The following CDC42BPA variants were observed in gnomAD, a reference collection of about 807,000 sequenced individuals.
CDC42BPA encodes the protein serine/threonine-protein kinase MRCK alpha.
A neutral mutation model predicts 223.5 loss-of-function variants in CDC42BPA; 80 were observed. That is an observed-to-expected ratio of 0.36 (90% CI 0.30 to 0.43). The LOEUF (loss-of-function observed/expected upper bound fraction) is 0.43. CDC42BPA is among the 20% of genes least tolerant of loss of function. CDC42BPA has a pLI of 1.00. For missense variants in CDC42BPA, 1,743 were observed against 2,099.9 expected, an observed-to-expected ratio of 0.83 and a Z score of 3.32; for synonymous variants, 694 against 718.6, an observed-to-expected ratio of 0.97 and a Z score of 0.55.
intron 1 of CDC42BPA, among the ~76,000 whole-genome samples, chr1:227,305,656 T>G (rs1246487234): frequency 6.6e-6 from 1 of 152,066 alleles, no homozygotes; most frequent in Non-Finnish European, 1.5e-5. Flanking sequence ...TGACACCACT[T>G]TTTCAGCCAT....
At chr1:227,140,725 T>C (rs1465797424) in intron 9 of CDC42BPA, among the ~76,000 whole-genome samples, 1 of 152,188 alleles carries the variant, frequency 6.6e-6, no homozygotes, top group Non-Finnish European at 1.5e-5. Flanking sequence ...ATGTTCTGAT[T>C]ATCTTTTAAG....
At chr1:227,037,044 C>T (rs913150073) in intron 24 of CDC42BPA, among the ~76,000 whole-genome samples, 1 of 152,072 alleles carries the variant, frequency 6.6e-6, no homozygotes, top group African/African-American at 2.4e-5. Flanking sequence ...CTGAGAAGAC[C>T]TCAAAAATTC....
chr1:227,273,857 G>GAAAAAAAA (rs11295895), intron 1 of CDC42BPA, among the ~76,000 whole-genome samples: 1 of 133,912 alleles, frequency 7.5e-6, no homozygotes, highest in African/African-American at 2.8e-5. Flanking sequence ...AAGAAACAAG[G>GAAAAAAAA]AAAAAAAAAA....
At chr1:227,207,387 T>A (rs1389651095) in intron 3 of CDC42BPA, among the ~76,000 whole-genome samples, 2 of 150,232 alleles carry the variant, frequency 1.3e-5, no homozygotes, top group Non-Finnish European at 3.0e-5. Context: ...TATTATACTT[T>A]AAGTTTTAGG....
chr1:227,311,055 T>A (rs1693454660), intron 1 of CDC42BPA, among the ~76,000 whole-genome samples: 1 of 152,004 alleles, frequency 6.6e-6, no homozygotes, highest in African/African-American at 2.4e-5. Flanking sequence ...GTGTGGGTAA[T>A]TCAAAAACAA....
Position 227,317,242 on chromosome 1 carries a change from T to C in CDC42BPA, c.-60A>G. The C allele has an allele frequency of 5.9e-6, 9 of 1,522,304 alleles. No homozygotes were observed. The highest frequency in any genetic ancestry group is 7.1e-6 in the Non-Finnish European group (8 of 1,125,756). The allele number at this position is 1,522,304 out of a possible 1,614,324, so 94.3% of individuals were successfully genotyped here. A position where few individuals can be genotyped will look rare whatever the true frequency, so the allele number is the denominator to read the frequency against. On this transcript the variant is annotated 5_prime_UTR_variant, in exon 1 of 37. Transcript: ENST00000366766. ...TATTATGATGACTTTTACTATTATC[T>C]GAACCTAAATTTTAAAAGGTATGGT...
At chr1:227,269,353 C>T (rs1461554635) in intron 1 of CDC42BPA, among the ~76,000 whole-genome samples, 1 of 152,140 alleles carries the variant, frequency 6.6e-6, no homozygotes, top group Non-Finnish European at 1.5e-5. Flanking sequence ...ATCCATAGCT[C>T]ACACGACTCA....
At chr1:227,293,643 T>C (rs1690097374) in intron 1 of CDC42BPA, among the ~76,000 whole-genome samples, 1 of 151,816 alleles carries the variant, frequency 6.6e-6, no homozygotes, top group Admixed American at 6.6e-5. Context: ...CTAACCAATA[T>C]GGAGAAACCC....
chr1:227,113,037 G>T, intron 12 of CDC42BPA, 124 bp from the exon 13 acceptor site: 1 of 838,794 alleles, frequency 1.2e-6, no homozygotes, highest in Non-Finnish European at 1.9e-6. Context: ...CAAATTAAAA[G>T]AAATAAACTA....
chr1:227,184,735 T>C lies in CDC42BPA; in HGVS notation c.599+9051A>G, dbSNP rs75753026. On this transcript the variant is annotated intron_variant, in intron 5 of 36. Transcript: ENST00000366766. ...GGATTTTGAGAGACTGCAATAAACC[T>C]ATAGATTTGCCACCTCATGAAAGAA... 7.4e-3 allele frequency among the ~76,000 whole-genome samples: 1,126 copies of C among 152,214 alleles called. 11 individuals are homozygous for C. Among genetic ancestry groups the C allele is most frequent in the Non-Finnish European group, 9.4e-3 (642 of 68,008 alleles).
intron 26 of CDC42BPA, 69 bp from the exon 27 acceptor site, chr1:227,033,484 C>T (rs1046766144): frequency 4.2e-6 from 4 of 953,896 alleles, no homozygotes; most frequent in Non-Finnish European, 5.1e-6. Context: ...GGTGTGTATC[C>T]AAATAACACA....
chr1:227,042,017 CTCTT>C (rs571955967), intron 23 of CDC42BPA, among the ~76,000 whole-genome samples: 274 of 152,156 alleles, frequency 1.8e-3, no homozygotes, highest in African/African-American at 6.1e-3. Context: ...TAATTTTTGG[CTCTT>C]TGAGAAACTA....
intron 6 of CDC42BPA, among the ~76,000 whole-genome samples, chr1:227,157,968 TC>T (rs1283397196): frequency 6.6e-6 from 1 of 151,416 alleles, no homozygotes; most frequent in East Asian, 1.9e-4. Flanking sequence ...TTTTTTTTTT[TC>T]TTTTTTGAGA....
intron 2 of CDC42BPA, among the ~76,000 whole-genome samples, chr1:227,239,217 A>C (rs1030725016): frequency 1.3e-5 from 2 of 152,208 alleles, no homozygotes; most frequent in Non-Finnish European, 2.9e-5. Context: ...AAAAGGCAAA[A>C]GTATGGAGAT....
At chr1:227,259,460 T>C (rs1683675650) in intron 1 of CDC42BPA, among the ~76,000 whole-genome samples, 1 of 151,010 alleles carries the variant, frequency 6.6e-6, no homozygotes, top group South Asian at 2.1e-4. Context: ...AGTGTTCCGA[T>C]AGCTTCCTTA....
intron 9 of CDC42BPA, among the ~76,000 whole-genome samples, chr1:227,141,268 T>C (rs1369449129): frequency 1.3e-5 from 2 of 152,108 alleles, no homozygotes; most frequent in Non-Finnish European, 2.9e-5. Flanking sequence ...TGAAGTAAAT[T>C]TTCTATAATG....
At chr1:227,097,767 G>A (rs1369823294) in intron 15 of CDC42BPA, among the ~76,000 whole-genome samples, 3 of 152,158 alleles carry the variant, frequency 2.0e-5, no homozygotes, top group African/African-American at 7.2e-5. Context: ...AAATGAGCAC[G>A]TGTACAACTT....
intron 3 of CDC42BPA, among the ~76,000 whole-genome samples, chr1:227,210,564 T>C (rs1673698631): frequency 6.6e-6 from 1 of 152,178 alleles, no homozygotes. Flanking sequence ...AATTATACTG[T>C]TTTATTTTGA....
At chr1:227,278,261 A>T (rs932986476) in intron 1 of CDC42BPA, among the ~76,000 whole-genome samples, 3 of 152,258 alleles carry the variant, frequency 2.0e-5, no homozygotes, top group African/African-American at 7.2e-5. Context: ...TCAAATGTTT[A>T]ATTATAGGTT....
Sources: allele counts gnomAD v4.1 joint callset (sites outside exome capture counted in the v4.1 genomes callset), GRCh38; gene constraint gnomAD v4.1.1; transcripts MANE v1.5; gene names NCBI Gene and HGNC (gene_info 2026-07-23, HGNC 2026-07-21).